The following C12orf42 variants were observed in gnomAD, a reference collection of about 807,000 sequenced individuals.
The protein encoded by C12orf42 is chromosome 12 open reading frame 42.
A neutral mutation model predicts 21.6 loss-of-function variants in C12orf42; 25 were observed. The observed-to-expected ratio is 1.16, with a 90% confidence interval of 0.84 to 1.62. The LOEUF (loss-of-function observed/expected upper bound fraction) is 1.62. Among genes scored for constraint, C12orf42 ranks in the 40% most tolerant of loss-of-function variants. The probability of loss-of-function intolerance (pLI) is 0.00; values close to 1 mark genes in which losing one functional copy is unlikely to be tolerated. For synonymous variants in C12orf42, 174 were observed against 175.0 expected (o/e 0.99, Z 0.05); for missense variants, 483 against 459.3 (o/e 1.05, Z -0.47).
At chr12:103,452,515 C>T (rs532960033) in intron 2 of C12orf42, among the ~76,000 whole-genome samples, 1 of 152,074 alleles carries the variant, frequency 6.6e-6, no homozygotes, top group Admixed American at 6.5e-5. Flanking sequence ...TATTTTCCAC[C>T]CCATTACTGG....
chr12:103,491,038 C>A (rs533001586), intron 1 of C12orf42, among the ~76,000 whole-genome samples: 2 of 152,074 alleles, frequency 1.3e-5, no homozygotes, highest in Non-Finnish European at 2.9e-5. Flanking sequence ...GTCTGGCAAT[C>A]ATATAAATTA....
chr12:103,421,621 A>G (rs911199453), intron 2 of C12orf42, among the ~76,000 whole-genome samples: 1 of 151,040 alleles, frequency 6.6e-6, no homozygotes, highest in African/African-American at 2.4e-5. Context: ...ATAAATAAAT[A>G]TCAGCATGAT....
chr12:103,497,511 T>C (rs552712730), upstream of C12orf42, among the ~76,000 whole-genome samples: 23 of 152,326 alleles, frequency 1.5e-4, no homozygotes, highest in East Asian at 3.9e-3. Flanking sequence ...CAGTGCTCTC[T>C]TAACCCCAAC....
chr12:103,124,197 G>A, the C12orf42 span, among the ~76,000 whole-genome samples: 1 of 111,842 alleles, frequency 8.9e-6, no homozygotes, highest in African/African-American at 3.4e-5. Context: ...ATGGAAACAG[G>A]TTTCAGTGGC....
Position 103,278,643 on chromosome 12 carries a change from C to T in C12orf42, n.338-1433G>A, listed in dbSNP as rs17565686. Among the ~76,000 whole-genome samples, 400 of 152,360 alleles carry T rather than the reference C, an allele frequency of 2.6e-3. 2 individuals carry two copies. The highest frequency in any genetic ancestry group is 3.4e-3 in the Middle Eastern group (1 of 294). On this transcript the variant is annotated intron_variant and non_coding_transcript_variant, in intron 4 of 6. Transcript: ENST00000546526. ...CCCCTTGGTATGTGCTGACGTGAAACAGCAGGCAGGAGAGATGAACAAGAC... is the reference window on the plus strand; with the variant it reads ...CCCCTTGGTATGTGCTGACGTGAAATAGCAGGCAGGAGAGATGAACAAGAC...
chr12:103,069,580 G>A, the C12orf42 span, among the ~76,000 whole-genome samples: 1 of 152,126 alleles, frequency 6.6e-6, no homozygotes, highest in African/African-American at 2.4e-5. Flanking sequence ...TGGTTTTATG[G>A]ATAATTGAAG....
At chr12:103,273,285 T>C (rs7313181) in intron 5 of C12orf42, among the ~76,000 whole-genome samples, 14,380 of 152,166 alleles carry the variant, frequency 0.095, 1,901 homozygotes, top group African/African-American at 0.3. Context: ...TTTTTTCACA[T>C]AGAGTCACTA....
chr12:103,282,046 T>C (rs1300550243), intron 4 of C12orf42, among the ~76,000 whole-genome samples: 4 of 152,228 alleles, frequency 2.6e-5, no homozygotes. Flanking sequence ...TCGAGTTATA[T>C]GAACCAATAA....
the C12orf42 span, among the ~76,000 whole-genome samples, chr12:103,122,529 G>A: frequency 8.5e-5 from 13 of 152,294 alleles, no homozygotes; most frequent in Admixed American, 8.5e-4. Flanking sequence ...TGTTGGTATA[G>A]AGTTGCAATT....
chr12:103,403,383 A>G (rs1179444501), intron 2 of C12orf42, among the ~76,000 whole-genome samples: 1 of 152,090 alleles, frequency 6.6e-6, no homozygotes, highest in African/African-American at 2.4e-5. Context: ...CTCAAAAAAA[A>G]AAAAAAAAGA....
the C12orf42 span, among the ~76,000 whole-genome samples, chr12:103,129,012 T>C: frequency 2.6e-5 from 4 of 152,168 alleles, no homozygotes; most frequent in African/African-American, 9.7e-5. Flanking sequence ...CCCAGCCATA[T>C]CATCCAAATT....
chr12:103,217,633 C>T, the C12orf42 span, among the ~76,000 whole-genome samples: 2 of 152,110 alleles, frequency 1.3e-5, no homozygotes, highest in Non-Finnish European at 2.9e-5. Context: ...ACACATCTCC[C>T]CATGCTGTGC....
the C12orf42 span, among the ~76,000 whole-genome samples, chr12:103,507,281 A>AT: frequency 1.2e-4 from 7 of 60,512 alleles, no homozygotes; most frequent in South Asian, 9.3e-4. Context: ...TATTATATAT[A>AT]TTTTTTTTTA....
chr12:103,310,166 C>T (rs575006311), intron 4 of C12orf42, among the ~76,000 whole-genome samples: 3 of 152,258 alleles, frequency 2.0e-5, no homozygotes, highest in South Asian at 2.1e-4. Context: ...TTAGCACTAT[C>T]CCTCTGGTGC....
At chr12:103,109,484 T>C in the C12orf42 span, among the ~76,000 whole-genome samples, 3 of 152,020 alleles carry the variant, frequency 2.0e-5, no homozygotes, top group Non-Finnish European at 1.5e-5. Flanking sequence ...TTCTGGGACA[T>C]CCGGCTTGCC....
At chr12:103,154,204 G>A in the C12orf42 span, among the ~76,000 whole-genome samples, 1 of 152,114 alleles carries the variant, frequency 6.6e-6, no homozygotes, top group Non-Finnish European at 1.5e-5. Context: ...CATGGAGTTG[G>A]AGAATGAGTT....
At chr12:103,344,310 G>T (rs1469130542) in intron 4 of C12orf42, among the ~76,000 whole-genome samples, 1 of 152,162 alleles carries the variant, frequency 6.6e-6, no homozygotes, top group Non-Finnish European at 1.5e-5. Flanking sequence ...CTGCTGAAAT[G>T]GTCATGTGGA....
chr12:103,467,783 T>C (rs769517006), intron 2 of C12orf42, among the ~76,000 whole-genome samples: 7 of 152,224 alleles, frequency 4.6e-5, no homozygotes, highest in Non-Finnish European at 7.3e-5. Flanking sequence ...ATCTAGCTAT[T>C]CTAATTTGGG....
At chr12:103,195,543 A>T in the C12orf42 span, among the ~76,000 whole-genome samples, 4 of 152,078 alleles carry the variant, frequency 2.6e-5, no homozygotes, top group African/African-American at 9.7e-5. Context: ...TATTATGATT[A>T]TTGATGTTAA....
Sources: allele counts gnomAD v4.1 joint callset (sites outside exome capture counted in the v4.1 genomes callset), GRCh38; gene constraint gnomAD v4.1.1; transcripts MANE v1.5; gene names NCBI Gene and HGNC (gene_info 2026-07-23, HGNC 2026-07-21).